Variants in SEMA3E observed in about 807,000 individuals in gnomAD.
SEMA3E encodes semaphorin-3E.
A neutral mutation model predicts 93.6 loss-of-function variants in SEMA3E; 49 were observed. That is an observed-to-expected ratio of 0.52 (90% confidence interval 0.42 to 0.66). SEMA3E has a LOEUF of 0.66. Ranked by LOEUF, SEMA3E falls within the 30% of genes least tolerant of loss-of-function variation. The pLI is 0.00. For synonymous variants in SEMA3E, 363 were observed against 330.7 expected (o/e 1.10, Z -1.06); for missense variants, 906 against 964.8 (o/e 0.94, Z 0.81).
At chr7:83,631,561 C>T (rs575085133) in intron 1 of SEMA3E, among the ~76,000 whole-genome samples, 1 of 152,278 alleles carries the variant, frequency 6.6e-6, no homozygotes, top group South Asian at 2.1e-4. Flanking sequence ...TGATGCTAAG[C>T]AAATTAAGCA....
intron 10 of SEMA3E, 103 bp downstream of exon 10, chr7:83,402,529 T>C (rs1788250959): frequency 3.0e-6 from 3 of 1,005,926 alleles, no homozygotes; most frequent in Non-Finnish European, 4.6e-6. Context: ...TTAGGTATAG[T>C]ATTCCTTAAT....
chr7:83,539,739 A>C (rs1250812976), intron 1 of SEMA3E, among the ~76,000 whole-genome samples: 1 of 151,904 alleles, frequency 6.6e-6, no homozygotes, highest in African/African-American at 2.4e-5. Context: ...GATTATTTTC[A>C]TCTGATGAGT....
intron 1 of SEMA3E, among the ~76,000 whole-genome samples, chr7:83,549,483 T>C (rs1228552875): frequency 6.6e-6 from 1 of 152,262 alleles, no homozygotes; most frequent in African/African-American, 2.4e-5. Flanking sequence ...TAATGATTTA[T>C]TTTTCATTTT....
chr7:83,642,999 A>C (rs571661894), intron 1 of SEMA3E, among the ~76,000 whole-genome samples: 1 of 152,102 alleles, frequency 6.6e-6, no homozygotes, highest in Non-Finnish European at 1.5e-5. Context: ...AAAGAAATAC[A>C]TCTTTGCACA....
At chr7:83,384,334 C>T (rs1044551730) in intron 16 of SEMA3E, among the ~76,000 whole-genome samples, 1 of 152,050 alleles carries the variant, frequency 6.6e-6, no homozygotes, top group East Asian at 1.9e-4. Flanking sequence ...TCCATTGATT[C>T]ACTCTCTATC....
chr7:83,450,339 A>C (rs62460810), intron 4 of SEMA3E, among the ~76,000 whole-genome samples: 15,676 of 152,290 alleles, frequency 0.1, 984 homozygotes, highest in Non-Finnish European at 0.14. Flanking sequence ...CAGCACAATT[A>C]CAGCACAATT....
intron 3 of SEMA3E, among the ~76,000 whole-genome samples, chr7:83,468,206 A>G (rs1015738981): frequency 9.9e-5 from 15 of 152,226 alleles, no homozygotes; most frequent in Admixed American, 2.0e-4. Context: ...CAGAGCACAC[A>G]GGTACACTTA....
rs1315939135 is a variant in SEMA3E at position 83,366,052 on chromosome 7, A to C, written c.*1534T>G. 1 of 152,152 alleles carries C rather than the reference A, an allele frequency of 6.6e-6. No homozygotes were observed. The highest frequency in any genetic ancestry group is 2.4e-5 in the African/African-American group (1 of 41,454). 9.4% of individuals were successfully genotyped at this position (152,152 alleles called of 1,614,324 possible). A position where few individuals can be genotyped will look rare whatever the true frequency, so the allele number is the denominator to read the frequency against. On this transcript the variant is annotated 3_prime_UTR_variant, in exon 17 of 17. Coordinates refer to ENST00000643230, the MANE Select transcript of SEMA3E (RefSeq NM_012431.3). ...TTGAAGCATGGTGACTTATCTGAAT[A>C]AACTTAAATTTTTCTTAAAATATTT...
chr7:83,408,386 C>T lies in SEMA3E; in HGVS notation c.652G>A (p.Asp218Asn), dbSNP rs763424945. The T allele has an allele frequency of 3.1e-6, 5 of 1,613,804 alleles. No individual in the cohort carries two copies. In the Admixed American group the frequency reaches 6.7e-5, roughly 22 times the overall value. Reference sequence around the variant, plus strand: ...TCCTTACCTTTCAACAGACGCTCATCGTCATGCTCAGTGCGGATATGGGCC... The same window carrying T: ...TCCTTACCTTTCAACAGACGCTCATTGTCATGCTCAGTGCGGATATGGGCC... ...RLAHIRTEHDDERLLKEPKFV... is the reference protein window; with the variant it reads ...RLAHIRTEHDNERLLKEPKFV... The change falls in exon 6 of 17, where the codon GAT (aspartate) becomes AAT (asparagine). Residue 218 changes from aspartate to asparagine, a missense_variant. Physicochemically the swap from Asp to Asn is conservative, Grantham distance 23. Transcript: ENST00000643230.
At chr7:83,438,710 A>G (rs1372511519) in intron 4 of SEMA3E, among the ~76,000 whole-genome samples, 1 of 152,024 alleles carries the variant, frequency 6.6e-6, no homozygotes, top group East Asian at 1.9e-4. Context: ...TATGCTATAT[A>G]TATTATAATT....
intron 1 of SEMA3E, among the ~76,000 whole-genome samples, chr7:83,542,532 G>T (rs1437110394): frequency 6.6e-6 from 1 of 151,702 alleles, no homozygotes; most frequent in Non-Finnish European, 1.5e-5. Flanking sequence ...TTTCCTATAT[G>T]ACTTTGTTCA....
Position 83,539,983 on chromosome 7 carries a change from C to T in SEMA3E, c.116-49709G>A, listed in dbSNP as rs184969973. 3.0e-3 allele frequency among the ~76,000 whole-genome samples: 448 copies of T among 151,626 alleles called. 3 individuals are homozygous for T. The highest frequency in any genetic ancestry group is 0.01 in the Middle Eastern group (3 of 292). On this transcript the variant is annotated intron_variant, in intron 1 of 16. Coordinates refer to ENST00000643230, the MANE Select transcript of SEMA3E (RefSeq NM_012431.3). ...GCAACCTCTGCCTCCCTGGTTCAAG[C>T]GATTCTCCTGCCTCAGTCTCCCAAG...
intron 1 of SEMA3E, among the ~76,000 whole-genome samples, chr7:83,642,035 G>T (rs957025328): frequency 6.6e-6 from 1 of 152,148 alleles, no homozygotes; most frequent in Non-Finnish European, 1.5e-5. Context: ...CCAAAGTCTA[G>T]GGGGTTTTAG....
chr7:83,585,672 G>C (rs1194035125), intron 1 of SEMA3E, among the ~76,000 whole-genome samples: 1 of 152,080 alleles, frequency 6.6e-6, no homozygotes, highest in Non-Finnish European at 1.5e-5. Context: ...TTGTATCTCA[G>C]CTATTTGTGT....
intron 1 of SEMA3E, among the ~76,000 whole-genome samples, chr7:83,593,284 C>CTCTCTG (rs1324576607): frequency 1.2e-4 from 14 of 116,752 alleles, no homozygotes; most frequent in African/African-American, 2.9e-4. Flanking sequence ...CTCTCTCTCT[C>CTCTCTG]TGTGTGTGTG....
At chr7:83,550,585 T>C (rs1486649260) in intron 1 of SEMA3E, among the ~76,000 whole-genome samples, 2 of 152,252 alleles carry the variant, frequency 1.3e-5, no homozygotes, top group Middle Eastern at 3.4e-3. Context: ...CATTCATTTA[T>C]TGAGAAAACA....
At chr7:83,642,448 TA>T (rs542716496) in intron 1 of SEMA3E, among the ~76,000 whole-genome samples, 261 of 152,268 alleles carry the variant, frequency 1.7e-3, no homozygotes, top group African/African-American at 6.1e-3. Flanking sequence ...AATGTTCTCT[TA>T]ATATCAGAGA....
chr7:83,544,512 G>A (rs534478126), intron 1 of SEMA3E, among the ~76,000 whole-genome samples: 5 of 152,136 alleles, frequency 3.3e-5, no homozygotes, highest in South Asian at 4.2e-4. Context: ...CCAAAATCCC[G>A]GTTAGCACAG....
At chr7:83,412,995 AAG>A (rs1299316957) in intron 5 of SEMA3E, among the ~76,000 whole-genome samples, 2 of 152,156 alleles carry the variant, frequency 1.3e-5, no homozygotes, top group Admixed American at 6.5e-5. Context: ...TTGTGATTAA[AAG>A]AGTGTGTCAA....
Sources: allele counts gnomAD v4.1 joint callset (sites outside exome capture counted in the v4.1 genomes callset), GRCh38; gene constraint gnomAD v4.1.1; transcripts MANE v1.5; gene names NCBI Gene and HGNC (gene_info 2026-07-23, HGNC 2026-07-21).